Variants in SMIM27 observed in about 807,000 individuals in gnomAD.
SMIM27 encodes TOPORS antisense RNA 1 (non-protein coding).
SMIM27 carries 3 observed loss-of-function variants against 1.8 expected under a neutral mutation model. The ratio of observed to expected loss-of-function variants is 1.65; its 90% CI spans 0.75 to 4.28. SMIM27 has a LOEUF of 4.28. Ranked by LOEUF, SMIM27 falls within the 30% of genes most tolerant of loss-of-function variation. The probability of loss-of-function intolerance (pLI) is 0.02; values close to 1 mark genes in which losing one functional copy is unlikely to be tolerated. For synonymous variants in SMIM27, 19 were observed against 13.9 expected (o/e 1.37, Z -0.82); for missense variants, 63 against 37.0 (o/e 1.70, Z -1.83).
chr9:32,554,226 T>C (rs1821390121), downstream of SMIM27, among the ~76,000 whole-genome samples: 1 of 152,236 alleles, frequency 6.6e-6, no homozygotes, highest in South Asian at 2.1e-4. Context: ...TAATCTTTTA[T>C]TTTGTATGAC....
At chr9:32,560,395 G>A (rs866359291) in intron 1 of SMIM27, among the ~76,000 whole-genome samples, 1 of 152,074 alleles carries the variant, frequency 6.6e-6, no homozygotes, top group African/African-American at 2.4e-5. Context: ...ATGTCTTTTC[G>A]ATCCCAGAAA....
chr9:32,555,027 G>C (rs951258102), downstream of SMIM27, among the ~76,000 whole-genome samples: 2 of 151,876 alleles, frequency 1.3e-5, no homozygotes, highest in African/African-American at 4.8e-5. Context: ...GCTGATTTGA[G>C]AGGCGACATA....
Position 32,564,704 on chromosome 9 carries a change from G to A in SMIM27, c.46-1687G>A, listed in dbSNP as rs952073012. Among the ~76,000 whole-genome samples, 4 of 152,130 alleles carry A rather than the reference G, an allele frequency of 2.6e-5. No homozygotes were observed. In the East Asian group the frequency reaches 5.8e-4, roughly 22 times the overall value. ...TCTCTGCGCACTCACCACCTGCACT[G>A]CTGACATGAGCTCCATATTATCTGA... On this transcript the variant is annotated intron_variant, in intron 1 of 1. Transcript: ENST00000451672.
rs377680875 is a variant in SMIM27, at chr9:32,558,313, G to A, written c.45+5834G>A. On this transcript the variant is annotated intron_variant, in intron 1 of 1. Transcript: ENST00000451672. ...TTTTCAGTAGAGACGGGGTTTCACC[G>A]TGTTAGCCAGAATGGTCTCGATCTC... Among the ~76,000 whole-genome samples, 117 of 152,006 alleles carry A rather than the reference G, an allele frequency of 7.7e-4. 2 individuals are homozygous for A. Among genetic ancestry groups the A allele is most frequent in the African/African-American group, 2.8e-3 (115 of 41,464 alleles).
exon 2 of SMIM27, chr9:32,566,507 T>C (rs1821794257): frequency 6.4e-6 from 5 of 775,552 alleles, no homozygotes; most frequent in South Asian, 5.5e-5. Flanking sequence ...CCTTCCGGTG[T>C]GCAGAGACGG....
chr9:32,566,274 G>A (rs948639262), intron 1 of SMIM27: 1 of 1,143,074 alleles, frequency 8.7e-7, no homozygotes, highest in Admixed American at 1.7e-5. Flanking sequence ...TAGGTTCTCT[G>A]AGGTAGAAAG....
At chr9:32,566,077 A>C in intron 1 of SMIM27, 1 of 444,074 alleles carries the variant, frequency 2.3e-6, no homozygotes, top group Non-Finnish European at 4.1e-6. Flanking sequence ...GACCAAAAAA[A>C]AAAAAAGGCA....
chr9:32,552,634 G>C, intron 1 of SMIM27, 155 bp downstream of exon 1: 1 of 700,842 alleles, frequency 1.4e-6, no homozygotes, highest in South Asian at 1.6e-5. Context: ...TGGAGGATAC[G>C]ATCTTCCGCT....
downstream of SMIM27, among the ~76,000 whole-genome samples, chr9:32,556,846 CTTTTTTTTTTTTTTTT>C (rs10703297): frequency 1.2e-5 from 1 of 82,386 alleles, no homozygotes; most frequent in South Asian, 5.0e-4. Context: ...AAATCCCCTA[CTTTTTTTTTTTTTTTT>C]TTTTTTTTTT....
At chr9:32,554,132 T>C, downstream of SMIM27, among the ~76,000 whole-genome samples, 1 of 152,192 alleles carries the variant, frequency 6.6e-6, no homozygotes, top group East Asian at 1.9e-4. Flanking sequence ...TTTTAAGGTA[T>C]AGTGAAATAA....
downstream of SMIM27, among the ~76,000 whole-genome samples, chr9:32,557,436 T>C (rs1821496292): frequency 6.6e-6 from 1 of 151,660 alleles, no homozygotes; most frequent in South Asian, 2.1e-4. Flanking sequence ...CCCATAGTGC[T>C]GTAATTACAG....
At chr9:32,562,928 T>C (rs1208701125) in intron 1 of SMIM27, among the ~76,000 whole-genome samples, 1 of 152,246 alleles carries the variant, frequency 6.6e-6, no homozygotes, top group Non-Finnish European at 1.5e-5. Context: ...GAATTGCATT[T>C]AGTTGGCATA....
chr9:32,563,294 G>A (rs904708470), intron 1 of SMIM27, among the ~76,000 whole-genome samples: 1 of 151,948 alleles, frequency 6.6e-6, no homozygotes, highest in Non-Finnish European at 1.5e-5. Context: ...ATATTTTGAG[G>A]ATAAGTATTT....
rs555892430 is a variant in SMIM27 at position 32,561,476 on chromosome 9, T to C, written c.46-4915T>C. On this transcript the variant is annotated intron_variant, in intron 1 of 1. Coordinates refer to the SMIM27 transcript ENST00000451672. ...CTGAGTAGCTGGGATTACAGGCACA[T>C]GCCACCAAGCCCAGCTAATTTTTTT... is the stretch of plus-strand genomic sequence containing the variant. Among the ~76,000 whole-genome samples the C allele has an allele frequency of 2.0e-4, 31 of 152,144 alleles. 2 individuals carry two copies. The East Asian group carries it at 2.1e-3, about 10-fold the overall frequency.
chr9:32,552,248 C>A (rs1260703959), upstream of SMIM27: 2 of 747,056 alleles, frequency 2.7e-6, no homozygotes, highest in African/African-American at 1.8e-5. Flanking sequence ...GCAAGGCCCC[C>A]GATCACGTGA....
At chr9:32,563,414 T>C (rs1477733228) in intron 1 of SMIM27, among the ~76,000 whole-genome samples, 1 of 151,318 alleles carries the variant, frequency 6.6e-6, no homozygotes, top group Non-Finnish European at 1.5e-5. Context: ...AGCACAATCA[T>C]AGCTCATTGC....
chr9:32,566,756 C>T, exon 2 of SMIM27: 1 of 910,806 alleles, frequency 1.1e-6, no homozygotes, highest in South Asian at 1.3e-5. Context: ...GGTCCTCAGC[C>T]CGGGTGTCGG....
chr9:32,556,609 A>G (rs1441710388), downstream of SMIM27, among the ~76,000 whole-genome samples: 3 of 152,244 alleles, frequency 2.0e-5, no homozygotes, highest in Admixed American at 2.0e-4. Context: ...GTGGCAAAAA[A>G]TACAGAAATA....
chr9:32,561,742 C>T (rs917308395), intron 1 of SMIM27, among the ~76,000 whole-genome samples: 3 of 152,116 alleles, frequency 2.0e-5, no homozygotes, highest in African/African-American at 7.2e-5. Flanking sequence ...TTGGTTTTAT[C>T]CCCAACTTAA....
Sources: allele counts gnomAD v4.1 joint callset (sites outside exome capture counted in the v4.1 genomes callset), GRCh38; gene constraint gnomAD v4.1.1; transcripts MANE v1.5; gene names NCBI Gene and HGNC (gene_info 2026-07-23, HGNC 2026-07-21).